The following SCFD2 variants were observed in gnomAD, a reference collection of about 807,000 sequenced individuals.
SCFD2 encodes sec1 family domain containing 2.
Under a neutral mutation model 58.9 loss-of-function variants are expected in SCFD2, and 54 were observed. That is an observed-to-expected ratio of 0.92 (90% CI 0.74 to 1.15). The LOEUF (loss-of-function observed/expected upper bound fraction) is 1.15. SCFD2 is among the 50% of genes most tolerant of loss of function. The pLI, the probability that SCFD2 is intolerant of heterozygous loss-of-function variation, is 0.00. For synonymous variants in SCFD2, 321 were observed against 335.9 expected (o/e 0.96, Z 0.49); for missense variants, 805 against 836.6 (o/e 0.96, Z 0.47).
intron 6 of SCFD2, among the ~76,000 whole-genome samples, chr4:52,910,039 G>A (rs10014061): frequency 0.05 from 7,549 of 152,060 alleles, 223 homozygotes; most frequent in South Asian, 0.13. Flanking sequence ...ATACCTTATC[G>A]GCACTATCAT....
intron 2 of SCFD2, among the ~76,000 whole-genome samples, chr4:53,341,062 C>A (rs1476131656): frequency 2.0e-5 from 3 of 152,186 alleles, no homozygotes; most frequent in Non-Finnish European, 4.4e-5. Context: ...CTCTTCACCT[C>A]CAAAGGAACA....
At chr4:53,189,893 C>G (rs1727844482) in intron 4 of SCFD2, among the ~76,000 whole-genome samples, 1 of 152,184 alleles carries the variant, frequency 6.6e-6, no homozygotes. Context: ...AAGCCTAACC[C>G]AGTGCCTAGA....
rs577918274 is a variant in SCFD2, at chr4:53,343,732, G to C, written c.1007+8866C>G. On this transcript the variant is annotated intron_variant, in intron 2 of 8. Coordinates refer to ENST00000401642, the MANE Select transcript of SCFD2 (RefSeq NM_152540.4). ...AAATACTGGCAAACTGAATCCAGCAGCACATCAAAAAGCTTATCCACCATC... is the reference window on the plus strand; with the variant it reads ...AAATACTGGCAAACTGAATCCAGCACCACATCAAAAAGCTTATCCACCATC... Among the ~76,000 whole-genome samples, 5 of 152,278 alleles carry C rather than the reference G, an allele frequency of 3.3e-5. No individual in the cohort carries two copies. In the East Asian group the frequency reaches 9.6e-4, roughly 29 times the overall value.
intron 4 of SCFD2, among the ~76,000 whole-genome samples, chr4:53,178,802 A>G (rs1276553774): frequency 2.0e-5 from 3 of 152,224 alleles, no homozygotes; most frequent in African/African-American, 7.2e-5. Context: ...AGAAGTCCTT[A>G]AAGGACCTGA....
intron 4 of SCFD2, among the ~76,000 whole-genome samples, chr4:53,258,883 A>G (rs1278683677): frequency 6.6e-6 from 1 of 151,626 alleles, no homozygotes; most frequent in Non-Finnish European, 1.5e-5. Context: ...ATCCACACCA[A>G]TATCTATTTT....
intron 7 of SCFD2, among the ~76,000 whole-genome samples, chr4:52,896,310 C>G (rs1719011327): frequency 6.6e-6 from 1 of 152,190 alleles, no homozygotes; most frequent in Non-Finnish European, 1.5e-5. Flanking sequence ...ACATTTAAGT[C>G]TTTAATCCAT....
intron 3 of SCFD2, among the ~76,000 whole-genome samples, chr4:53,300,035 A>G (rs1201533383): frequency 6.6e-6 from 1 of 152,228 alleles, no homozygotes; most frequent in Non-Finnish European, 1.5e-5. Context: ...AAGAAACTGC[A>G]TCAACTAACG....
intron 4 of SCFD2, among the ~76,000 whole-genome samples, chr4:53,231,021 AT>A (rs1232937143): frequency 6.6e-6 from 1 of 152,154 alleles, no homozygotes; most frequent in African/African-American, 2.4e-5. Flanking sequence ...CAGTATGGGT[AT>A]AGTTGTGCCA....
chr4:53,233,011 C>T (rs375353775), intron 4 of SCFD2, among the ~76,000 whole-genome samples: 1 of 152,140 alleles, frequency 6.6e-6, no homozygotes, highest in Non-Finnish European at 1.5e-5. Context: ...CTAGCACTCT[C>T]GGAATCCTTA....
chr4:52,903,065 T>G (rs369811797), intron 7 of SCFD2, among the ~76,000 whole-genome samples: 47 of 152,342 alleles, frequency 3.1e-4, no homozygotes, highest in African/African-American at 1.1e-3. Context: ...GACCACTCTG[T>G]GAGGTCACAT....
At chr4:52,925,354 A>G (rs1303189859) in intron 5 of SCFD2, among the ~76,000 whole-genome samples, 1 of 132,464 alleles carries the variant, frequency 7.5e-6, no homozygotes, top group Admixed American at 7.1e-5. Context: ...ATATATATAT[A>G]CATATATATA....
At chr4:53,316,571 T>C (rs927795866) in intron 2 of SCFD2, among the ~76,000 whole-genome samples, 1 of 152,184 alleles carries the variant, frequency 6.6e-6, no homozygotes, top group Non-Finnish European at 1.5e-5. Context: ...TATTGTCTTA[T>C]ATTCATGGTC....
At chr4:52,897,907 T>C in intron 7 of SCFD2, among the ~76,000 whole-genome samples, 1 of 152,258 alleles carries the variant, frequency 6.6e-6, no homozygotes, top group East Asian at 1.9e-4. Flanking sequence ...TCGAGGAATT[T>C]ATCTATTTCT....
chr4:53,225,998 C>T (rs190995325), intron 4 of SCFD2, among the ~76,000 whole-genome samples: 58 of 152,182 alleles, frequency 3.8e-4, no homozygotes, highest in African/African-American at 1.3e-3. Context: ...AATTTGATCT[C>T]GCTGTATTGC....
chr4:53,168,502 G>A (rs1727081401), intron 4 of SCFD2, among the ~76,000 whole-genome samples: 1 of 152,012 alleles, frequency 6.6e-6, no homozygotes, highest in Non-Finnish European at 1.5e-5. Context: ...TTCAATAGTG[G>A]AATTATTAAT....
chr4:52,975,484 C>T (rs544350080), intron 5 of SCFD2, among the ~76,000 whole-genome samples: 2 of 152,160 alleles, frequency 1.3e-5, no homozygotes. Context: ...CCATCTCACA[C>T]CAGTTAGAAT....
intron 2 of SCFD2, among the ~76,000 whole-genome samples, chr4:53,315,894 G>A (rs1369408753): frequency 6.6e-6 from 1 of 152,084 alleles, no homozygotes; most frequent in Non-Finnish European, 1.5e-5. Context: ...CCATCAGATT[G>A]GTGTAGTGGT....
chr4:53,315,628 T>A (rs554103744), intron 2 of SCFD2, among the ~76,000 whole-genome samples: 4 of 152,288 alleles, frequency 2.6e-5, no homozygotes, highest in South Asian at 2.1e-4. Context: ...TCTCTAAAGC[T>A]CTGCAGGCAA....
chr4:53,275,741 T>C (rs917074426), intron 3 of SCFD2, among the ~76,000 whole-genome samples: 10 of 152,182 alleles, frequency 6.6e-5, no homozygotes, highest in African/African-American at 2.4e-4. Flanking sequence ...CTCACAGTTT[T>C]GTCTTTCTAG....
Sources: gnomAD v4.1 joint callset for allele counts (sites outside exome capture counted in the v4.1 genomes callset) on GRCh38, gnomAD v4.1.1 for gene constraint, MANE v1.5 for transcripts, NCBI Gene and HGNC (gene_info 2026-07-23, HGNC 2026-07-21) for gene names.